SPATA6: variants seen among roughly 807,000 people sequenced by gnomAD.
SPATA6 encodes the protein spermatogenesis associated 6.
In SPATA6, 56 loss-of-function variants were observed where a neutral mutation model predicts 65.3. The ratio of observed to expected loss-of-function variants is 0.86; its 90% confidence interval spans 0.69 to 1.07. The LOEUF (loss-of-function observed/expected upper bound fraction) is 1.07. Ranked by LOEUF, SPATA6 falls within the 50% of genes least tolerant of loss-of-function variation. The pLI is 0.00. For synonymous variants in SPATA6, 199 were observed against 213.2 expected (o/e 0.93, Z 0.58); for missense variants, 590 against 594.8 (o/e 0.99, Z 0.08).
intron 11 of SPATA6, among the ~76,000 whole-genome samples, chr1:48,332,716 C>T (rs565539223): frequency 2.6e-5 from 4 of 152,214 alleles, no homozygotes; most frequent in South Asian, 2.1e-4. Flanking sequence ...CAACACTTGA[C>T]GAAATGGAGC....
intron 11 of SPATA6, among the ~76,000 whole-genome samples, chr1:48,317,324 A>T (rs1420314568): frequency 6.6e-6 from 1 of 152,242 alleles, no homozygotes; most frequent in African/African-American, 2.4e-5. Flanking sequence ...TGGCACATAT[A>T]CACTGTGGAA....
intron 3 of SPATA6, among the ~76,000 whole-genome samples, chr1:48,444,150 G>A (rs1435022857): frequency 1.3e-5 from 2 of 152,176 alleles, no homozygotes; most frequent in Non-Finnish European, 1.5e-5. Context: ...GAGAACTTTT[G>A]TGTCTAGCTA....
In SPATA6 at chr1:48,321,638, C is replaced by T. The variant is rs1190774797; in HGVS notation, c.1195-15760G>A. On this transcript the variant is annotated intron_variant, in intron 11 of 12. Coordinates refer to ENST00000371847, the MANE Select transcript of SPATA6 (RefSeq NM_019073.4). ...CAGACATAAAATCAGCAAAGAAATA[C>T]CAGACTTAATCTGCACTATAGCCTA... Among the ~76,000 whole-genome samples the T allele has an allele frequency of 1.3e-5, 2 of 152,070 alleles. 1 individual carries two copies. Among genetic ancestry groups the T allele is most frequent in the Non-Finnish European group, 2.9e-5 (2 of 67,996 alleles).
intron 1 of SPATA6, among the ~76,000 whole-genome samples, chr1:48,454,572 C>A (rs1656858370): frequency 6.6e-6 from 1 of 152,134 alleles, no homozygotes; most frequent in Non-Finnish European, 1.5e-5. Flanking sequence ...AATTATGGTA[C>A]AAATCATTGT....
At chr1:48,293,980 T>C (rs72887988), downstream of SPATA6, among the ~76,000 whole-genome samples, 3,753 of 152,350 alleles carry the variant, frequency 0.025, 99 homozygotes, top group African/African-American at 0.067. Flanking sequence ...AAGTATATCA[T>C]TCAGTGATAA....
chr1:48,343,457 A>T (rs756400776), intron 11 of SPATA6, among the ~76,000 whole-genome samples: 1 of 152,184 alleles, frequency 6.6e-6, no homozygotes, highest in Non-Finnish European at 1.5e-5. Context: ...ATGAAGCGGA[A>T]TGAGGAGTAG....
chr1:48,381,363 C>T (rs1174228922), intron 9 of SPATA6, among the ~76,000 whole-genome samples: 1 of 152,124 alleles, frequency 6.6e-6, no homozygotes, highest in East Asian at 1.9e-4. Context: ...TAGAAAATTC[C>T]AGTCTCCATA....
chr1:48,472,188 C>G lies in SPATA6; in HGVS notation c.-180G>C, dbSNP rs1056837178. 4 of 528,910 alleles carry G rather than the reference C, an allele frequency of 7.6e-6. No individual in the cohort carries two copies. The highest frequency in any genetic ancestry group is 1.3e-5 in the Non-Finnish European group (4 of 307,124). 32.8% of individuals were successfully genotyped at this position (528,910 alleles called of 1,614,324 possible). ...GCCGGAGAAGCAGCTGAGCGCGGGG[C>G]GCAGACTCGTTGTCATGGCAGCCAG... On this transcript the variant is annotated 5_prime_UTR_variant, in exon 1 of 13. Coordinates refer to ENST00000371847, the MANE Select transcript of SPATA6 (RefSeq NM_019073.4).
At chr1:48,403,687 T>C (rs1046051228) in intron 6 of SPATA6, 115 bp downstream of exon 6, 8 of 715,578 alleles carry the variant, frequency 1.1e-5, no homozygotes, top group South Asian at 2.2e-5. Flanking sequence ...CAACTAAAAA[T>C]TGACCCCCCA....
chr1:48,304,781 G>T (rs1224954536), intron 12 of SPATA6, among the ~76,000 whole-genome samples: 1 of 152,144 alleles, frequency 6.6e-6, no homozygotes, highest in Non-Finnish European at 1.5e-5. Context: ...TCCTGTATCA[G>T]TTCTTCTCAC....
the SPATA6 span, among the ~76,000 whole-genome samples, chr1:48,288,055 G>A: frequency 6.6e-6 from 1 of 152,150 alleles, no homozygotes; most frequent in Non-Finnish European, 1.5e-5. Context: ...CATATATTGA[G>A]ATTATCATGT....
At chr1:48,385,225 A>G in intron 9 of SPATA6, 84 bp downstream of exon 9, 1 of 1,144,848 alleles carries the variant, frequency 8.7e-7, no homozygotes, top group Non-Finnish European at 1.2e-6. Flanking sequence ...GATAATCCCT[A>G]TCTGATATAC....
chr1:48,300,475 C>T (rs1020227134), intron 12 of SPATA6, among the ~76,000 whole-genome samples: 8 of 152,034 alleles, frequency 5.3e-5, no homozygotes, highest in African/African-American at 1.9e-4. Flanking sequence ...GGCTTCACTG[C>T]TGAATTTTAC....
intron 3 of SPATA6, among the ~76,000 whole-genome samples, chr1:48,421,556 T>C (rs745710892): frequency 6.6e-6 from 1 of 152,192 alleles, no homozygotes; most frequent in Non-Finnish European, 1.5e-5. Flanking sequence ...TAAATAAATA[T>C]TTGAAATAGA....
intron 8 of SPATA6, among the ~76,000 whole-genome samples, chr1:48,390,650 A>C (rs752455995): frequency 2.6e-5 from 4 of 152,214 alleles, no homozygotes; most frequent in Non-Finnish European, 5.9e-5. Context: ...CATTCCACAC[A>C]ATGTAACAAA....
chr1:48,299,516 GAAAAAAAA>G (rs58072004), intron 12 of SPATA6, among the ~76,000 whole-genome samples: 10 of 38,202 alleles, frequency 2.6e-4, no homozygotes, highest in Middle Eastern at 0.029. Flanking sequence ...CTCCGTCTCG[GAAAAAAAA>G]AAAAAAAAAA....
Position 48,296,190 on chromosome 1 carries a change from C to T in SPATA6, c.*2523G>A, listed in dbSNP as rs1644810261. On this transcript the variant is annotated 3_prime_UTR_variant, in exon 13 of 13. Transcript: ENST00000371847. ...AAAAGGCTAAGAGAATAAACAACTG[C>T]ACCTTTCTGCTCCTGTGAATGAGAA... 1 of 151,632 alleles carries T rather than the reference C, an allele frequency of 6.6e-6. No individual in the cohort carries two copies. The highest frequency in any genetic ancestry group is 6.6e-5 in the Admixed American group (1 of 15,234). The allele number at this position is 151,632 out of a possible 1,614,324, so 9.4% of individuals were successfully genotyped here.
intron 8 of SPATA6, among the ~76,000 whole-genome samples, chr1:48,390,831 T>C (rs2147890431): frequency 6.6e-6 from 1 of 152,278 alleles, no homozygotes; most frequent in Middle Eastern, 3.4e-3. Flanking sequence ...TAAAGACATA[T>C]AATAGTCTGT....
chr1:48,304,002 C>T (rs1228122083), intron 12 of SPATA6, among the ~76,000 whole-genome samples: 1 of 152,174 alleles, frequency 6.6e-6, no homozygotes, highest in African/African-American at 2.4e-5. Flanking sequence ...ACTGCAAACT[C>T]TCTCTTGACT....
Sources: gnomAD v4.1 joint callset for allele counts (sites outside exome capture counted in the v4.1 genomes callset) on GRCh38, gnomAD v4.1.1 for gene constraint, MANE v1.5 for transcripts, NCBI Gene and HGNC (gene_info 2026-07-23, HGNC 2026-07-21) for gene names.